PCDHA1: variants seen among roughly 807,000 people sequenced by gnomAD.
PCDHA1 encodes the protein protocadherin alpha-1.
A neutral mutation model predicts 61.3 loss-of-function variants in PCDHA1; 42 were observed. The ratio of observed to expected loss-of-function variants is 0.69; its 90% confidence interval spans 0.54 to 0.89. The LOEUF (loss-of-function observed/expected upper bound fraction) is 0.89, where lower values mean the gene tolerates loss of function less well. Ranked by LOEUF, PCDHA1 falls within the 40% of genes least tolerant of loss-of-function variation. The pLI, the probability that PCDHA1 is intolerant of heterozygous loss-of-function variation, is 0.00. For synonymous variants in PCDHA1, 610 were observed against 553.8 expected (o/e 1.10, Z -1.43); for missense variants, 1,256 against 1,235.3 (o/e 1.02, Z -0.25).
At position 140,850,667 on chromosome 5, in the gene PCDHA1, G is replaced by C. The variant is rs2150492921; in HGVS notation, c.2394+61983G>C. Reference sequence around the variant, plus strand: ...TGCTGTACACTGTGCTGCGGTGCTCGGCGATGCCCACCGAGGGCGAGTGCG... The same window carrying C: ...TGCTGTACACTGTGCTGCGGTGCTCCGCGATGCCCACCGAGGGCGAGTGCG... On this transcript the variant is annotated intron_variant, in intron 1 of 3. Transcript: ENST00000504120. 10 of 1,598,386 alleles carry C rather than the reference G, an allele frequency of 6.3e-6. No homozygotes were observed. The East Asian group carries it at 1.3e-4, about 21-fold the overall frequency.
intron 1 of PCDHA1, chr5:140,843,145 GT>G: frequency 6.3e-7 from 1 of 1,596,072 alleles, no homozygotes; most frequent in Non-Finnish European, 8.6e-7. Context: ...CGTGGCTTTC[GT>G]ATGAGCTGCA....
In PCDHA1 at chr5:140,788,383, T is replaced by C. The variant is rs1177035510; in HGVS notation, c.2093T>C (p.Val698Ala). 2.5e-6 allele frequency: 4 copies of C among 1,614,050 alleles called. No homozygotes were observed. The highest frequency in any genetic ancestry group is 3.4e-6 in the Non-Finnish European group (4 of 1,179,966). ...GPEAALVDVN[V>A]YLIIAICAVS... ...GAGGCGGCGCTGGTGGATGTCAACG[T>C]GTACCTGATCATCGCCATCTGCGCG... Residue 698 changes from valine to alanine, a missense_variant, in exon 1 of 4, where the codon GTG becomes GCG. By Grantham distance (64) the Val-to-Ala change is moderately conservative. Coordinates refer to ENST00000504120, the MANE Select transcript of PCDHA1 (RefSeq NM_018900.4).
chr5:140,996,283 C>T (rs2097719869), intron 3 of PCDHA1, among the ~76,000 whole-genome samples: 1 of 152,172 alleles, frequency 6.6e-6, no homozygotes, highest in African/African-American at 2.4e-5. Context: ...TGCCAAATTT[C>T]AAGAAGCACA....
In PCDHA1 at chr5:140,869,280, G is replaced by A. The variant is rs1294171258; in HGVS notation, c.2394+80596G>A. 8 of 1,613,486 alleles carry A rather than the reference G, an allele frequency of 5.0e-6. No individual in the cohort carries two copies. In the African/African-American group the frequency reaches 8.0e-5, roughly 16 times the overall value. On this transcript the variant is annotated intron_variant, in intron 1 of 3. Transcript: ENST00000504120. ...ACCTGGGGCTGGAGCTGGCGGAGCT[G>A]GTGCAGCGCCTGTTCCGGGTGGCGT...
At chr5:140,851,276 T>C in intron 1 of PCDHA1, 3 of 1,056,768 alleles carry the variant, frequency 2.8e-6, no homozygotes, top group Non-Finnish European at 3.5e-6. Context: ...TTGTATTGTT[T>C]ATAAGAAACC....
intron 1 of PCDHA1, chr5:140,834,258 C>CA (rs1772870639): frequency 5.3e-6 from 5 of 940,106 alleles, no homozygotes; most frequent in Non-Finnish European, 8.0e-6. Context: ...AAAGACGCTC[C>CA]ACTCTCTTTC....
intron 1 of PCDHA1, among the ~76,000 whole-genome samples, chr5:140,972,665 T>A (rs1554234345): frequency 6.7e-6 from 1 of 148,584 alleles, no homozygotes; most frequent in Non-Finnish European, 1.5e-5. Flanking sequence ...ACCAAATTTT[T>A]TTTTTTTTTT....
intron 1 of PCDHA1, among the ~76,000 whole-genome samples, chr5:140,872,414 C>T (rs138959813): frequency 1.3e-5 from 2 of 152,128 alleles, no homozygotes; most frequent in East Asian, 1.9e-4. Context: ...ATTGCTTGAG[C>T]CCAAGAGTTC....
chr5:140,934,709 C>T (rs991669354), intron 1 of PCDHA1, among the ~76,000 whole-genome samples: 2 of 152,084 alleles, frequency 1.3e-5, no homozygotes, highest in Non-Finnish European at 1.5e-5. Flanking sequence ...GGCCATCTTA[C>T]AAAAAGGACC....
At chr5:140,827,343 TGAAAA>T (rs1769258641) in intron 1 of PCDHA1, among the ~76,000 whole-genome samples, 1 of 152,128 alleles carries the variant, frequency 6.6e-6, no homozygotes, top group South Asian at 2.1e-4. Context: ...GTGAAGTATA[TGAAAA>T]GAAAATATTT....
intron 1 of PCDHA1, chr5:140,849,906 G>A: frequency 6.3e-7 from 1 of 1,598,336 alleles, no homozygotes; most frequent in Non-Finnish European, 8.6e-7. Flanking sequence ...CAACCCGCCG[G>A]GCTGCCACAT....
intron 1 of PCDHA1, chr5:140,884,420 T>A: frequency 1.2e-6 from 2 of 1,613,972 alleles, no homozygotes; most frequent in Non-Finnish European, 8.5e-7. Context: ...GTTGCTGCTG[T>A]ATACTGCGCT....
In PCDHA1 at chr5:140,848,545, C is replaced by T. The variant is rs2150412582; in HGVS notation, c.2394+59861C>T. On this transcript the variant is annotated intron_variant, in intron 1 of 3. Transcript: ENST00000504120. ...CCAGAGGGTCAGCCTCTACTGCTCT[C>T]GCTTCTGATCCTCGCAATGTGGGTG... is the stretch of plus-strand genomic sequence containing the variant. The T allele has an allele frequency of 7.5e-6, 12 of 1,595,324 alleles. No homozygotes were observed. In the South Asian group the frequency reaches 1.1e-4, roughly 15 times the overall value.
intron 1 of PCDHA1, among the ~76,000 whole-genome samples, chr5:140,909,916 C>T (rs1554194012): frequency 6.6e-6 from 1 of 152,138 alleles, no homozygotes; most frequent in African/African-American, 2.4e-5. Context: ...CAATCATTTC[C>T]CTTTCCCCAA....
At position 141,010,838 on chromosome 5, in the gene PCDHA1, T is replaced by G. The variant is rs2154002200; in HGVS notation, c.*901T>G. 1.3e-5 allele frequency: 2 copies of G among 153,860 alleles called. No homozygotes were observed. The highest frequency in any genetic ancestry group is 2.9e-5 in the Non-Finnish European group (2 of 68,042). The allele number at this position is 153,860 out of a possible 1,614,324, so 9.5% of individuals were successfully genotyped here. On this transcript the variant is annotated 3_prime_UTR_variant, in exon 4 of 4. Coordinates refer to ENST00000504120, the MANE Select transcript of PCDHA1 (RefSeq NM_018900.4). ...TTTCGCTGTTTGTTGTTTCATAGAT[T>G]TATTTAAAAAAAGAGAAAGTCTATA...
chr5:140,838,613 A>T (rs1460772587), intron 1 of PCDHA1, among the ~76,000 whole-genome samples: 2 of 152,032 alleles, frequency 1.3e-5, no homozygotes, highest in African/African-American at 4.8e-5. Context: ...ACTTTTAAAA[A>T]TTTTTTACAA....
At chr5:140,937,954 G>A (rs1209058625) in intron 1 of PCDHA1, among the ~76,000 whole-genome samples, 2 of 151,226 alleles carry the variant, frequency 1.3e-5, no homozygotes, top group Non-Finnish European at 2.9e-5. Context: ...GGCTTTTGTT[G>A]AAAGTATATA....
intron 1 of PCDHA1, among the ~76,000 whole-genome samples, chr5:140,789,161 A>G (rs1761514274): frequency 6.6e-6 from 1 of 152,244 alleles, no homozygotes; most frequent in Non-Finnish European, 1.5e-5. Context: ...TTTAAAATAC[A>G]TTTATTGGCT....
chr5:140,809,608 T>C, intron 1 of PCDHA1: 1 of 1,524,700 alleles, frequency 6.6e-7, no homozygotes, highest in Non-Finnish European at 8.8e-7. Context: ...AATTTTCGTA[T>C]TGTTTTTCTC....
Sources: allele counts gnomAD v4.1 joint callset (sites outside exome capture counted in the v4.1 genomes callset), GRCh38; gene constraint gnomAD v4.1.1; transcripts MANE v1.5; gene names NCBI Gene and HGNC (gene_info 2026-07-23, HGNC 2026-07-21).